The following CEP112 variants were observed in gnomAD, a reference collection of about 807,000 sequenced individuals.
CEP112 encodes the protein centrosomal protein 112, also known as centrosomal protein of 112 kDa.
In CEP112, 127 loss-of-function variants were observed where a neutral mutation model predicts 153.0. That is an observed-to-expected ratio of 0.83 (90% CI 0.72 to 0.96). The LOEUF is 0.96. Ranked by LOEUF, CEP112 falls within the 40% of genes least tolerant of loss-of-function variation. The pLI, the probability that CEP112 is intolerant of heterozygous loss-of-function variation, is 0.00. For synonymous variants in CEP112, 358 were observed against 374.4 expected, an observed-to-expected ratio of 0.96 and a Z score of 0.51; for missense variants, 1,089 against 1,101.2, an observed-to-expected ratio of 0.99 and a Z score of 0.16.
chr17:66,164,213 A>G (rs932982069), intron 4 of CEP112, among the ~76,000 whole-genome samples: 11 of 152,236 alleles, frequency 7.2e-5, no homozygotes, highest in Admixed American at 3.9e-4. Flanking sequence ...TTTCTAGAGT[A>G]CAAGGTTAAG....
At chr17:65,690,113 C>CAAAAAAAAAAAAAAAAAAAAA (rs67399289) in intron 23 of CEP112, among the ~76,000 whole-genome samples, 1 of 62,584 alleles carries the variant, frequency 1.6e-5, no homozygotes, top group Non-Finnish European at 3.0e-5. Context: ...GAAAACAGAC[C>CAAAAAAAAAAAAAAAAAAAAA]AAAAAAAAAA....
intron 21 of CEP112, among the ~76,000 whole-genome samples, chr17:65,779,050 C>T (rs1053865380): frequency 3.2e-4 from 49 of 151,622 alleles, no homozygotes; most frequent in African/African-American, 1.1e-3. Context: ...GTTTTATATG[C>T]CATAAATAGT....
intron 11 of CEP112, among the ~76,000 whole-genome samples, chr17:66,059,374 G>A (rs2066831753): frequency 6.6e-6 from 1 of 152,108 alleles, no homozygotes; most frequent in South Asian, 2.1e-4. Flanking sequence ...CTCACAGAAT[G>A]GGAGAAAATA....
At chr17:65,725,775 A>G (rs2050143412) in intron 23 of CEP112, among the ~76,000 whole-genome samples, 1 of 152,116 alleles carries the variant, frequency 6.6e-6, no homozygotes, top group Admixed American at 6.5e-5. Context: ...AACCCATTAG[A>G]TCTTGTGAGA....
intron 18 of CEP112, among the ~76,000 whole-genome samples, chr17:65,937,602 G>T (rs1281590641): frequency 2.0e-5 from 2 of 100,046 alleles, no homozygotes; most frequent in South Asian, 5.6e-4. Context: ...CAGCCGCCCC[G>T]TCCGGGAGGG....
rs149703117 is a variant in CEP112 at position 65,985,052 on chromosome 17, G to T, written c.1736+20638C>A. ...CCCAAACTGCATTGGCTTGAAGGTA[G>T]ATGATGAGAAATCTGAGGCAATGAG... On this transcript the variant is annotated intron_variant, in intron 17 of 26. Transcript: ENST00000535342. Among the ~76,000 whole-genome samples the T allele has an allele frequency of 3.3e-3, 501 of 152,296 alleles. 3 individuals carry two copies. The highest frequency in any genetic ancestry group is 0.012 in the African/African-American group (483 of 41,568).
At chr17:65,732,731 C>T (rs1469130589) in intron 23 of CEP112, among the ~76,000 whole-genome samples, 5 of 152,202 alleles carry the variant, frequency 3.3e-5, no homozygotes, top group African/African-American at 1.2e-4. Context: ...ACCTTATGAA[C>T]AAACCTCTGC....
intron 11 of CEP112, among the ~76,000 whole-genome samples, chr17:66,054,093 T>C (rs561390969): frequency 6.6e-6 from 1 of 152,316 alleles, no homozygotes; most frequent in East Asian, 1.9e-4. Context: ...CTTTCCTGAA[T>C]TGAAAATTTT....
At chr17:65,918,624 AG>A (rs1733211829) in intron 19 of CEP112, among the ~76,000 whole-genome samples, 1 of 152,218 alleles carries the variant, frequency 6.6e-6, no homozygotes, top group South Asian at 2.1e-4. Context: ...AAATCTCTAT[AG>A]TCCAGGAAGT....
intron 12 of CEP112, among the ~76,000 whole-genome samples, chr17:66,051,688 C>T (rs1348375): frequency 6.6e-6 from 1 of 152,164 alleles, no homozygotes; most frequent in Non-Finnish European, 1.5e-5. Context: ...CATACGCCTG[C>T]GTAACAACTC....
chr17:66,126,118 A>C lies in CEP112; in HGVS notation c.642+3628T>G, dbSNP rs1047800443. Among the ~76,000 whole-genome samples, 4 of 152,212 alleles carry C rather than the reference A, an allele frequency of 2.6e-5. No homozygotes were observed. In the East Asian group the frequency reaches 5.8e-4, roughly 22 times the overall value. On this transcript the variant is annotated intron_variant, in intron 6 of 26. Transcript: ENST00000535342. ...GTTTCATGATTGTGATTTTCATTGA[A>C]TGTTAATATTATATGCCTCACTTAT...
chr17:65,791,976 T>C (rs970342698), intron 21 of CEP112, among the ~76,000 whole-genome samples: 1 of 152,222 alleles, frequency 6.6e-6, no homozygotes, highest in Admixed American at 6.5e-5. Context: ...AATTAACTTC[T>C]CTGAACTAGA....
At chr17:65,645,930 C>T (rs1038680166) in intron 24 of CEP112, among the ~76,000 whole-genome samples, 2 of 152,152 alleles carry the variant, frequency 1.3e-5, no homozygotes, top group African/African-American at 2.4e-5. Flanking sequence ...TTGGTTTTGT[C>T]GTCTTCATTA....
At chr17:65,913,490 T>C (rs1017138520) in intron 19 of CEP112, 7 of 985,156 alleles carry the variant, frequency 7.1e-6, no homozygotes, top group Non-Finnish European at 8.4e-6. Context: ...AAAAAAATTG[T>C]AAAAAGCAGG....
At chr17:66,149,888 G>GTT (rs71160535) in intron 4 of CEP112, among the ~76,000 whole-genome samples, 3,913 of 53,998 alleles carry the variant, frequency 0.072, 690 homozygotes, top group Non-Finnish European at 0.096. Flanking sequence ...TTGTTTGTTT[G>GTT]TTTTTTTTTT....
chr17:66,160,372 C>G (rs1290998081), intron 4 of CEP112, among the ~76,000 whole-genome samples: 3 of 152,122 alleles, frequency 2.0e-5, no homozygotes, highest in African/African-American at 7.2e-5. Context: ...CAAAAAAGAG[C>G]CCACATAGCC....
intron 21 of CEP112, among the ~76,000 whole-genome samples, chr17:65,765,311 C>T (rs940775169): frequency 8.6e-5 from 13 of 150,838 alleles, no homozygotes; most frequent in Admixed American, 2.0e-4. Context: ...TCTTTGGGGT[C>T]AGTTACTAAA....
intron 25 of CEP112, among the ~76,000 whole-genome samples, chr17:65,638,390 G>A (rs6504335): frequency 0.57 from 86,347 of 152,150 alleles, 25,711 homozygotes; most frequent in African/African-American, 0.75. Flanking sequence ...TTATTCTTAC[G>A]TCTTTGGTCT....
At chr17:66,154,141 T>C (rs1334339094) in intron 4 of CEP112, among the ~76,000 whole-genome samples, 4 of 151,692 alleles carry the variant, frequency 2.6e-5, no homozygotes, top group African/African-American at 9.7e-5. Context: ...ATCACGCCAC[T>C]GCACTCCAGC....
Sources: allele counts gnomAD v4.1 joint callset (sites outside exome capture counted in the v4.1 genomes callset), GRCh38; gene constraint gnomAD v4.1.1; transcripts MANE v1.5; gene names NCBI Gene and HGNC (gene_info 2026-07-23, HGNC 2026-07-21).